KDM1B: variants seen among roughly 807,000 people sequenced by gnomAD.
KDM1B encodes lysine-specific histone demethylase 2.
Under a neutral mutation model 107.4 loss-of-function variants are expected in KDM1B, and 63 were observed. The ratio of observed to expected loss-of-function variants is 0.59; its 90% confidence interval spans 0.48 to 0.72. KDM1B has a LOEUF of 0.72. Ranked by LOEUF, KDM1B falls within the 30% of genes least tolerant of loss-of-function variation. The pLI, the probability that KDM1B is intolerant of heterozygous loss-of-function variation, is 0.00. For missense variants in KDM1B, 749 were observed against 1,020.8 expected, an observed-to-expected ratio of 0.73 and a Z score of 3.63; for synonymous variants, 363 against 363.9, an observed-to-expected ratio of 1.00 and a Z score of 0.03.
At chr6:18,176,227 G>A (rs1281404349) in intron 7 of KDM1B, among the ~76,000 whole-genome samples, 1 of 152,100 alleles carries the variant, frequency 6.6e-6, no homozygotes, top group African/African-American at 2.4e-5. Context: ...TTGGTAAAGG[G>A]GTTGAGTTCT....
Position 18,214,418 on chromosome 6 carries a change from T to G in KDM1B, c.2110-589T>G, listed in dbSNP as rs967177571. Among the ~76,000 whole-genome samples, 13 of 152,248 alleles carry G rather than the reference T, an allele frequency of 8.5e-5. No homozygotes were observed. The highest frequency in any genetic ancestry group is 1.3e-4 in the Non-Finnish European group (9 of 68,044). On this transcript the variant is annotated intron_variant, in intron 19 of 21. Coordinates refer to ENST00000650836, the MANE Select transcript of KDM1B (RefSeq NM_001364614.2). The surrounding 1 kb of genome is among the most constrained non-coding windows in gnomAD (Gnocchi z 4.4). The stretch of plus-strand genomic sequence containing the variant: ...CAGATTTTCCTTCTCCATCTCTTTC[T>G]ACTTCTTCCGAAGCAAGCTTTAATT...
rs929575971 is a variant in KDM1B, at chr6:18,197,731, T to C, written c.1221+70T>C. On this transcript the variant is annotated intron_variant, in intron 12 of 21. Coordinates refer to ENST00000650836, the MANE Select transcript of KDM1B (RefSeq NM_001364614.2). The surrounding 1 kb of genome is among the most constrained non-coding windows in gnomAD (Gnocchi z 4.5). ...CCTTTTGGTCCAAATTTCTAAGATTTAGAAACCAGTTCCTATTTTTAGTGA... is the reference window on the plus strand; with the variant it reads ...CCTTTTGGTCCAAATTTCTAAGATTCAGAAACCAGTTCCTATTTTTAGTGA... 29 of 1,061,762 alleles carry C rather than the reference T, an allele frequency of 2.7e-5. No individual in the cohort carries two copies. The African/African-American group carries it at 4.6e-4, about 17-fold the overall frequency. 65.8% of individuals were successfully genotyped at this position (1,061,762 alleles called of 1,614,324 possible).
At chr6:18,167,993 C>T (rs550469935) in intron 6 of KDM1B, among the ~76,000 whole-genome samples, 2 of 152,248 alleles carry the variant, frequency 1.3e-5, no homozygotes, top group Admixed American at 6.5e-5. Context: ...ATACTGGACT[C>T]AAGCAATCCT....
rs1030458805 is a variant in KDM1B, at chr6:18,212,581, T to C, written c.1960T>C (p.Leu654=). The C allele has an allele frequency of 6.2e-7, 1 of 1,613,262 alleles. No individual in the cohort carries two copies. The highest frequency in any genetic ancestry group is 1.7e-5 in the Admixed American group (1 of 60,024). Reference sequence around the variant, plus strand: ...GAAGAAGATGAAGGCTATCAACAGCTTAGGCGCAGGCATCATTGAAAAGGT... The same window carrying C: ...GAAGAAGATGAAGGCTATCAACAGCCTAGGCGCAGGCATCATTGAAAAGGT... ...SEKKMKAINS[L]GAGIIEKIAL... The change falls in exon 18 of 22, where the codon TTA becomes CTA. Residue 654 remains leucine, a synonymous_variant. Coordinates refer to ENST00000650836, the MANE Select transcript of KDM1B (RefSeq NM_001364614.2). This position sits in a 1 kb window ranked among gnomAD's most constrained non-coding sequence, Gnocchi z 5.2.
At chr6:18,220,142 C>T (rs1789568780) in intron 21 of KDM1B, among the ~76,000 whole-genome samples, 1 of 152,202 alleles carries the variant, frequency 6.6e-6, no homozygotes, top group African/African-American at 2.4e-5. Context: ...GCCCCCAACC[C>T]CAAACTTAAA....
chr6:18,166,461 TCTC>T, intron 6 of KDM1B, 83 bp downstream of exon 6: 1 of 786,780 alleles, frequency 1.3e-6, no homozygotes, highest in South Asian at 1.4e-5. Context: ...GTTTAGGAAA[TCTC>T]CTATTACATT....
intron 10 of KDM1B, among the ~76,000 whole-genome samples, chr6:18,194,532 TC>T (rs1438102611): frequency 6.6e-6 from 1 of 152,220 alleles, no homozygotes; most frequent in African/African-American, 2.4e-5. Flanking sequence ...TCCTTCTTTT[TC>T]CCCACTGGGC....
Position 18,159,973 on chromosome 6 carries a change from C to T in KDM1B, c.78C>T (p.Ser26=), listed in dbSNP as rs1361710101. The T allele has an allele frequency of 1.6e-5, 26 of 1,601,626 alleles. No homozygotes were observed. The highest frequency in any genetic ancestry group is 5.7e-5 in the South Asian group (5 of 88,146). Residue 26 remains serine (S), a synonymous_variant, in exon 3 of 22, where the codon TCC becomes TCT. Coordinates refer to ENST00000650836, the MANE Select transcript of KDM1B (RefSeq NM_001364614.2). This position sits in a 1 kb window ranked among gnomAD's most constrained non-coding sequence, Gnocchi z 4.5. ...CGGATAGCCTTCCTTTGAGGAGCTC[C>T]GGTAGGCAGGTAGTGTTCATTTATT... is the stretch of plus-strand genomic sequence containing the variant. ...HSPDSLPLRS[S]GRQAKKKATE... is the part of the protein sequence containing the mutation.
chr6:18,213,581 A>G lies in KDM1B; in HGVS notation c.1984-75A>G. On this transcript the variant is annotated intron_variant, in intron 18 of 21. Coordinates refer to ENST00000650836, the MANE Select transcript of KDM1B (RefSeq NM_001364614.2). The surrounding 1 kb of genome is among the most constrained non-coding windows in gnomAD (Gnocchi z 5.9). Reference sequence around the variant, plus strand: ...TGTCTTTGTTTTAGAGTAGAGCTACAGGTTGCTGCTTAGATATTGCCTGTG... The same window carrying G: ...TGTCTTTGTTTTAGAGTAGAGCTACGGGTTGCTGCTTAGATATTGCCTGTG... The G allele has an allele frequency of 1.3e-6, 2 of 1,494,920 alleles. No homozygotes were observed. Among genetic ancestry groups the G allele is most frequent in the Middle Eastern group, 1.7e-4 (1 of 5,790 alleles). The allele number at this position is 1,494,920 out of a possible 1,614,324, so 92.6% of individuals were successfully genotyped here.
At position 18,213,675 on chromosome 6, in the gene KDM1B, A is replaced by T. The variant is rs761304965; in HGVS notation, c.2003A>T (p.Tyr668Phe). The change falls in exon 19 of 22, where the codon TAT becomes TTT. Residue 668 changes from tyrosine (Y) to phenylalanine (F), a missense_variant. Coordinates refer to ENST00000650836, the MANE Select transcript of KDM1B (RefSeq NM_001364614.2). The surrounding 1 kb of genome is among the most constrained non-coding windows in gnomAD (Gnocchi z 5.9). The stretch of plus-strand genomic sequence containing the variant: ...TTGCAGATTGCCTTGCAATTTCCGT[A>T]TAGATTTTGGGACAGTAAAGTACAA... ...IIEKIALQFP[Y>F]RFWDSKVQGA... 4 of 1,614,080 alleles carry T rather than the reference A, an allele frequency of 2.5e-6. No individual in the cohort carries two copies. The South Asian group carries it at 4.4e-5, about 18-fold the overall frequency.
rs1305334875 is a variant in KDM1B, at chr6:18,171,928, G to A, written c.534+449G>A. ...AGCTTTCCTGGAAGTTCCTTCAGTA[G>A]ATTTCTATTTATATCTCATTGGCGA... On this transcript the variant is annotated intron_variant, in intron 7 of 21. Coordinates refer to ENST00000650836, the MANE Select transcript of KDM1B (RefSeq NM_001364614.2). 8.5e-5 allele frequency among the ~76,000 whole-genome samples: 13 copies of A among 152,200 alleles called. No homozygotes were observed. The East Asian group carries it at 2.5e-3, about 29-fold the overall frequency.
At position 18,162,804 on chromosome 6, in the gene KDM1B, A is replaced by C. The variant is rs367681367; in HGVS notation, c.216-31A>C. 9 of 1,240,442 alleles carry C rather than the reference A, an allele frequency of 7.3e-6. No individual in the cohort carries two copies. Among genetic ancestry groups the C allele is most frequent in the Non-Finnish European group, 1.1e-5 (9 of 840,230 alleles). The allele number at this position is 1,240,442 out of a possible 1,614,324, so 76.8% of individuals were successfully genotyped here. ...ATGGGAGGAGAAATGTTTATTCATT[A>C]CCAAAGCTATATGTTTTTCACTATT... is the stretch of plus-strand genomic sequence containing the variant. On this transcript the variant is annotated intron_variant, in intron 4 of 21. Transcript: ENST00000650836. The surrounding 1 kb of genome is among the most constrained non-coding windows in gnomAD (Gnocchi z 4.1).
chr6:18,180,038 A>ATT lies in KDM1B; in HGVS notation c.535-5720_535-5719dup, dbSNP rs111745055. On this transcript the variant is annotated intron_variant, in intron 7 of 21. Coordinates refer to ENST00000650836, the MANE Select transcript of KDM1B (RefSeq NM_001364614.2). ...GCCACTGTGCTTCACTAATTTTTGTATTTTTTTTTTTTTTTAATAGAGACG... is the reference window on the plus strand; with the variant it reads ...GCCACTGTGCTTCACTAATTTTTGTATTTTTTTTTTTTTTTTTAATAGAGACG... Among the ~76,000 whole-genome samples the ATT allele has an allele frequency of 9.1e-3, 1,103 of 121,840 alleles. 13 individuals carry two copies. The highest frequency in any genetic ancestry group is 0.03 in the African/African-American group (1,016 of 33,678). 79.9% of individuals were successfully genotyped at this position (121,840 alleles called of 152,430 possible). A position where few individuals can be genotyped will look rare whatever the true frequency, so the allele number is the denominator to read the frequency against.
intron 7 of KDM1B, 35 bp downstream of exon 7, chr6:18,171,514 T>C (rs750379794): frequency 3.3e-5 from 35 of 1,052,716 alleles, no homozygotes; most frequent in Non-Finnish European, 1.8e-5. Flanking sequence ...TTAATTGATA[T>C]ATTAATGTAG....
In KDM1B at chr6:18,222,804, A is replaced by C. The variant is rs1216904708; in HGVS notation, c.*812A>C. 6.6e-6 allele frequency: 1 copy of C among 152,626 alleles called. No individual in the cohort carries two copies. The highest frequency in any genetic ancestry group is 1.5e-5 in the Non-Finnish European group (1 of 68,032). 9.5% of individuals were successfully genotyped at this position (152,626 alleles called of 1,614,324 possible). On this transcript the variant is annotated 3_prime_UTR_variant, in exon 22 of 22. Transcript: ENST00000650836. ...ATCCTTAATTTTGGCAACCACTAGC[A>C]AAAAAACTTGTCAGAATAATTTAAC...
chr6:18,189,839 G>GA (rs1787154308), intron 9 of KDM1B, among the ~76,000 whole-genome samples: 2 of 152,012 alleles, frequency 1.3e-5, no homozygotes, highest in African/African-American at 4.8e-5. Flanking sequence ...TTTATAGTCA[G>GA]AAAAATGCCA....
chr6:18,221,506 T>C (rs1405124282), intron 21 of KDM1B, among the ~76,000 whole-genome samples: 1 of 152,104 alleles, frequency 6.6e-6, no homozygotes, highest in Non-Finnish European at 1.5e-5. Flanking sequence ...GTAACGTAAC[T>C]CTCTACCTAT....
At chr6:18,219,392 C>G (rs2151052858) in intron 21 of KDM1B, among the ~76,000 whole-genome samples, 1 of 152,218 alleles carries the variant, frequency 6.6e-6, no homozygotes, top group Non-Finnish European at 1.5e-5. Flanking sequence ...TATCTTGGAA[C>G]TTTTGAATTG....
rs1788150524 is a variant in KDM1B, at chr6:18,203,084, A to G, written c.1531+1427A>G. On this transcript the variant is annotated intron_variant, in intron 14 of 21. Coordinates refer to ENST00000650836, the MANE Select transcript of KDM1B (RefSeq NM_001364614.2). This position sits in a 1 kb window ranked among gnomAD's most constrained non-coding sequence, Gnocchi z 5.5. ...TACATGTCTTTCAGAGTCACCATATAAAAATGTTTAATGATAATGCTTTGC... is the reference window on the plus strand; with the variant it reads ...TACATGTCTTTCAGAGTCACCATATGAAAATGTTTAATGATAATGCTTTGC... 6.6e-6 allele frequency among the ~76,000 whole-genome samples: 1 copy of G among 152,130 alleles called. No individual in the cohort carries two copies. The highest frequency in any genetic ancestry group is 6.5e-5 in the Admixed American group (1 of 15,270).
Sources: allele counts gnomAD v4.1 joint callset (sites outside exome capture counted in the v4.1 genomes callset), GRCh38; gene constraint gnomAD v4.1.1; non-coding constraint Gnocchi (gnomAD v3.1); transcripts MANE v1.5; gene names NCBI Gene and HGNC (gene_info 2026-07-23, HGNC 2026-07-21).